The following UST variants were observed in gnomAD, a reference collection of about 807,000 sequenced individuals.
The protein encoded by UST is uronyl 2-sulfotransferase.
A neutral mutation model predicts 45.6 loss-of-function variants in UST; 21 were observed. The observed-to-expected ratio is 0.46, with a 90% CI of 0.33 to 0.66. UST has a LOEUF of 0.66. UST is among the 30% of genes least tolerant of loss of function. The probability of loss-of-function intolerance (pLI) is 0.02; values close to 1 mark genes in which losing one functional copy is unlikely to be tolerated. For missense variants in UST, 463 were observed against 512.4 expected (o/e 0.90, Z 0.93); for synonymous variants, 215 against 200.6 (o/e 1.07, Z -0.61).
chr6:148,747,595 G>A lies in UST; in HGVS notation c.165G>A (p.Leu55=). The stretch of plus-strand genomic sequence containing the variant: ...ACTACGGCTTCTGCATGGCCACCCT[G>A]CTGGTCTTCTGCCTGGGCTCCCTCC... ...LRDYGFCMAT[L]LVFCLGSLLY... The change falls in exon 1 of 8, where the codon CTG becomes CTA. Residue 55 remains leucine, a synonymous_variant. Transcript: ENST00000367463. 6.3e-7 allele frequency: 1 copy of A among 1,597,756 alleles called. No individual in the cohort carries two copies.
At chr6:148,815,942 T>G (rs1298629654) in intron 1 of UST, among the ~76,000 whole-genome samples, 3 of 152,184 alleles carry the variant, frequency 2.0e-5, no homozygotes, top group Admixed American at 6.5e-5. Flanking sequence ...GCTTCCCACC[T>G]TTTTTCTTAT....
At chr6:149,073,632 G>A (rs148616030) in intron 7 of UST, among the ~76,000 whole-genome samples, 45 of 152,314 alleles carry the variant, frequency 3.0e-4, no homozygotes, top group Admixed American at 1.3e-3. Flanking sequence ...CTTGTGCTTC[G>A]TCAACTCATG....
rs541772401 is a variant in UST, at chr6:149,009,063, G to A, written c.682-10076G>A. On this transcript the variant is annotated intron_variant, in intron 5 of 7. Coordinates refer to ENST00000367463, the MANE Select transcript of UST (RefSeq NM_005715.3). Reference sequence around the variant, plus strand: ...TAATCCTAAGGGAGACAAATTTCAGGAAAAAGAATAAAGCTTTAAGAGGGA... The same window carrying A: ...TAATCCTAAGGGAGACAAATTTCAGAAAAAAGAATAAAGCTTTAAGAGGGA... Among the ~76,000 whole-genome samples, 7 of 152,288 alleles carry A rather than the reference G, an allele frequency of 4.6e-5. No homozygotes were observed. The South Asian group carries it at 1.0e-3, about 23-fold the overall frequency.
intron 1 of UST, among the ~76,000 whole-genome samples, chr6:148,848,875 C>T (rs577506343): frequency 6.6e-6 from 1 of 152,100 alleles, no homozygotes; most frequent in African/African-American, 2.4e-5. Flanking sequence ...GTGGCTCAGT[C>T]CAAGTCAGAA....
In UST at chr6:149,060,203, T is replaced by G. The variant is rs9498200; in HGVS notation, c.938-13630T>G. On this transcript the variant is annotated intron_variant, in intron 7 of 7. Transcript: ENST00000367463. ...AGTGATCTCAAATTATTTTTAATTATTTATATTTCCAGATCTGAATAAAAG... is the reference window on the plus strand; with the variant it reads ...AGTGATCTCAAATTATTTTTAATTAGTTATATTTCCAGATCTGAATAAAAG... 8.1e-3 allele frequency among the ~76,000 whole-genome samples: 1,232 copies of G among 152,346 alleles called. 20 individuals are homozygous for G. Among genetic ancestry groups the G allele is most frequent in the African/African-American group, 0.028 (1,174 of 41,578 alleles).
chr6:148,836,307 A>G (rs1172998543), intron 1 of UST, among the ~76,000 whole-genome samples: 4 of 152,156 alleles, frequency 2.6e-5, no homozygotes, highest in Admixed American at 2.6e-4. Flanking sequence ...TACTGTAATG[A>G]CTTGGCAGCG....
chr6:148,882,486 C>CAAAAA (rs397741900), intron 1 of UST, among the ~76,000 whole-genome samples: 8 of 74,116 alleles, frequency 1.1e-4, no homozygotes, highest in Admixed American at 1.8e-4. Flanking sequence ...AACTCCATCT[C>CAAAAA]AAAAAAAAAA....
At chr6:148,981,029 A>G (rs928139303) in intron 5 of UST, among the ~76,000 whole-genome samples, 6 of 152,128 alleles carry the variant, frequency 3.9e-5, no homozygotes. Context: ...CTGGCCGGAA[A>G]GACCACCTTT....
chr6:148,954,101 A>G (rs1780428744), intron 4 of UST, 150 bp downstream of exon 4: 2 of 492,392 alleles, frequency 4.1e-6, no homozygotes, highest in East Asian at 7.2e-5. Flanking sequence ...CAAAATTTGA[A>G]ATATTTGAAC....
chr6:148,854,694 TCTATTTCC>T (rs1562277969), intron 1 of UST, among the ~76,000 whole-genome samples: 1 of 152,130 alleles, frequency 6.6e-6, no homozygotes, highest in Non-Finnish European at 1.5e-5. Context: ...GGGCTGAGCT[TCTATTTCC>T]TGATGAATTG....
chr6:149,003,667 T>G (rs1317429843), intron 5 of UST, among the ~76,000 whole-genome samples: 2 of 152,222 alleles, frequency 1.3e-5, no homozygotes, highest in African/African-American at 4.8e-5. Context: ...CCCAGTGGTT[T>G]TGCACTAAAA....
At chr6:148,823,784 A>G (rs943818790) in intron 1 of UST, among the ~76,000 whole-genome samples, 2 of 152,274 alleles carry the variant, frequency 1.3e-5, no homozygotes. Flanking sequence ...AGAGATTTTT[A>G]TAGAATTTTA....
chr6:148,855,821 A>G (rs185892065), intron 1 of UST, among the ~76,000 whole-genome samples: 1 of 152,192 alleles, frequency 6.6e-6, no homozygotes, highest in African/African-American at 2.4e-5. Context: ...CACGGGTACC[A>G]CTGCAGATGC....
At chr6:149,016,396 A>G (rs1775899938) in intron 5 of UST, among the ~76,000 whole-genome samples, 1 of 152,172 alleles carries the variant, frequency 6.6e-6, no homozygotes, top group African/African-American at 2.4e-5. Flanking sequence ...GTTGCTGAGG[A>G]CAAAACCCTG....
chr6:148,762,539 T>C (rs1055412775), intron 1 of UST, among the ~76,000 whole-genome samples: 1 of 151,746 alleles, frequency 6.6e-6, no homozygotes, highest in African/African-American at 2.4e-5. Flanking sequence ...TTCTATCTTT[T>C]TTTTTTTTTT....
At chr6:148,944,469 T>C (rs1466401938) in intron 3 of UST, among the ~76,000 whole-genome samples, 2 of 149,984 alleles carry the variant, frequency 1.3e-5, no homozygotes, top group African/African-American at 4.9e-5. Flanking sequence ...CACAGTCAAA[T>C]TCACACATGC....
intron 1 of UST, among the ~76,000 whole-genome samples, chr6:148,881,015 C>T (rs569587922): frequency 1.3e-5 from 2 of 150,938 alleles, no homozygotes; most frequent in Admixed American, 1.3e-4. Context: ...GGTGACAGAA[C>T]CAGACTCCGT....
chr6:148,986,937 G>A (rs1781249270), intron 5 of UST, among the ~76,000 whole-genome samples: 1 of 152,240 alleles, frequency 6.6e-6, no homozygotes, highest in Admixed American at 6.5e-5. Flanking sequence ...TGAAGGTGAT[G>A]CTGATTGATA....
chr6:148,801,035 T>C (rs1207783801), intron 1 of UST, among the ~76,000 whole-genome samples: 1 of 152,190 alleles, frequency 6.6e-6, no homozygotes, highest in African/African-American at 2.4e-5. Context: ...TTGAAGTTAA[T>C]GAACTGGAGC....
Sources: gnomAD v4.1 joint callset for allele counts (sites outside exome capture counted in the v4.1 genomes callset) on GRCh38, gnomAD v4.1.1 for gene constraint, MANE v1.5 for transcripts, NCBI Gene and HGNC (gene_info 2026-07-23, HGNC 2026-07-21) for gene names.